ADGB: variants seen among roughly 807,000 people sequenced by gnomAD.
The protein encoded by ADGB is calpain-7-like protein.
In ADGB, 172 loss-of-function variants were observed where a neutral mutation model predicts 210.5. The ratio of observed to expected loss-of-function variants is 0.82; its 90% CI spans 0.72 to 0.93. The LOEUF (loss-of-function observed/expected upper bound fraction) is 0.93, where lower values mean the gene tolerates loss of function less well. Ranked by LOEUF, ADGB falls within the 40% of genes least tolerant of loss-of-function variation. The pLI is 0.00. For missense variants in ADGB, 2,025 were observed against 1,964.8 expected, an observed-to-expected ratio of 1.03 and a Z score of -0.58; for synonymous variants, 658 against 662.7, an observed-to-expected ratio of 0.99 and a Z score of 0.11.
At chr6:146,751,132 C>G (rs564612040) in intron 26 of ADGB, among the ~76,000 whole-genome samples, 1 of 123,552 alleles carries the variant, frequency 8.1e-6, no homozygotes, top group South Asian at 3.0e-4. Flanking sequence ...TCCCACCCCC[C>G]ACCCTCCCGC....
At chr6:146,661,597 A>G (rs777720680) in intron 5 of ADGB, among the ~76,000 whole-genome samples, 1 of 152,128 alleles carries the variant, frequency 6.6e-6, no homozygotes, top group African/African-American at 2.4e-5. Flanking sequence ...TTCAAACACA[A>G]TATAAAAAAT....
Position 146,656,884 on chromosome 6 carries a change from G to A in ADGB, c.516G>A (p.Lys172=). 5.8e-6 allele frequency: 9 copies of A among 1,551,382 alleles called. No individual in the cohort carries two copies. Among genetic ancestry groups the A allele is most frequent in the Non-Finnish European group, 7.0e-6 (8 of 1,146,676 alleles). Residue 172 remains lysine (K), a synonymous_variant, in exon 5 of 36, where the codon AAG becomes AAA. Coordinates refer to ENST00000397944, the MANE Select transcript of ADGB (RefSeq NM_024694.4). ...GGGAACCTCCTCTTCTCCCCTGGAA[G>A]CCCTGGGAACACATATACTCTCTGT... The part of the protein sequence containing the change: ...TSGEPPLLPW[K]PWEHIYSLCK...
At chr6:146,715,081 T>G (rs191502552) in intron 13 of ADGB, among the ~76,000 whole-genome samples, 1 of 152,320 alleles carries the variant, frequency 6.6e-6, no homozygotes, top group Non-Finnish European at 1.5e-5. Flanking sequence ...AAGTAATATG[T>G]CTACTTAGGG....
intron 27 of ADGB, among the ~76,000 whole-genome samples, chr6:146,760,607 A>C (rs1233167843): frequency 2.6e-5 from 4 of 151,832 alleles, no homozygotes; most frequent in Non-Finnish European, 5.9e-5. Flanking sequence ...TTTTCATTTC[A>C]CTTGGATCAA....
At chr6:146,682,492 T>C (rs1462258938) in intron 9 of ADGB, among the ~76,000 whole-genome samples, 1 of 152,074 alleles carries the variant, frequency 6.6e-6, no homozygotes, top group African/African-American at 2.4e-5. Flanking sequence ...CATTCAAGAG[T>C]ATATTTTTTC....
intron 33 of ADGB, among the ~76,000 whole-genome samples, chr6:146,792,235 AT>A (rs1777964925): frequency 6.6e-6 from 1 of 152,080 alleles, no homozygotes; most frequent in African/African-American, 2.4e-5. Flanking sequence ...AATTTTAGGA[AT>A]CTTTTTGTCT....
chr6:146,698,410 G>A (rs1055505804), intron 12 of ADGB, among the ~76,000 whole-genome samples: 26 of 152,108 alleles, frequency 1.7e-4, no homozygotes, highest in Admixed American at 1.3e-4. Context: ...GATCTGTACC[G>A]TGTTCATTGT....
intron 1 of ADGB, among the ~76,000 whole-genome samples, chr6:146,608,352 G>GT (rs1186844729): frequency 6.6e-6 from 1 of 151,882 alleles, no homozygotes; most frequent in South Asian, 2.1e-4. Context: ...CTCTTGTATG[G>GT]TTTTTTGTGT....
chr6:146,668,703 A>T (rs1775968740), intron 7 of ADGB, among the ~76,000 whole-genome samples: 1 of 152,132 alleles, frequency 6.6e-6, no homozygotes, highest in South Asian at 2.1e-4. Flanking sequence ...TACCAGAGAC[A>T]GGAAATCATC....
rs1294953730 is a variant in ADGB, at chr6:146,657,117, G to T, written c.612+137G>T. The T allele has an allele frequency of 3.9e-6, 3 of 761,466 alleles. No individual in the cohort carries two copies. The African/African-American group carries it at 5.4e-5, about 14-fold the overall frequency. The allele number at this position is 761,466 out of a possible 1,614,324, so 47.2% of individuals were successfully genotyped here. ...AAGGCAGTGGATCACCTGAGATCAGGAGTTCGCAACCAGCCTGGGCAACAT... is the reference window on the plus strand; with the variant it reads ...AAGGCAGTGGATCACCTGAGATCAGTAGTTCGCAACCAGCCTGGGCAACAT... On this transcript the variant is annotated intron_variant, in intron 5 of 35. Transcript: ENST00000397944.
At chr6:146,752,482 A>G in intron 26 of ADGB, 48 bp from the exon 27 acceptor site, 1 of 1,472,190 alleles carries the variant, frequency 6.8e-7, no homozygotes, top group Non-Finnish European at 9.1e-7. Context: ...CTGACTTGAG[A>G]GAAAGACCAA....
Position 146,665,701 on chromosome 6 carries a change from G to T in ADGB, c.753-1115G>T, listed in dbSNP as rs528881603. ...TTAAAAAATCCAATTAGTAAATAAA[G>T]CAACAAGCTAAGTGTAATACATTTC... On this transcript the variant is annotated intron_variant, in intron 6 of 35. Transcript: ENST00000397944. Among the ~76,000 whole-genome samples, 9 of 152,088 alleles carry T rather than the reference G, an allele frequency of 5.9e-5. No homozygotes were observed. The East Asian group carries it at 1.7e-3, about 29-fold the overall frequency.
In ADGB at chr6:146,809,877, A is replaced by C. The variant is rs111412231; in HGVS notation, c.4819-5155A>C. ...TGCTTAGAAGATTGCATACAGAAAAAATCTCCTTGACATTGGTCTTGGCAA... is the reference window on the plus strand; with the variant it reads ...TGCTTAGAAGATTGCATACAGAAAACATCTCCTTGACATTGGTCTTGGCAA... On this transcript the variant is annotated intron_variant, in intron 35 of 35. Coordinates refer to ENST00000397944, the MANE Select transcript of ADGB (RefSeq NM_024694.4). Among the ~76,000 whole-genome samples the C allele has an allele frequency of 9.8e-3, 1,491 of 152,266 alleles. 21 individuals carry two copies. Among genetic ancestry groups the C allele is most frequent in the African/African-American group, 0.033 (1,360 of 41,562 alleles).
At chr6:146,661,951 T>C (rs571093670) in intron 5 of ADGB, among the ~76,000 whole-genome samples, 7 of 152,260 alleles carry the variant, frequency 4.6e-5, no homozygotes, top group African/African-American at 1.4e-4. Flanking sequence ...CTTCCAGAAT[T>C]TTCCTCCAGG....
intron 29 of ADGB, among the ~76,000 whole-genome samples, chr6:146,776,063 G>A (rs1777716907): frequency 6.6e-6 from 1 of 151,934 alleles, no homozygotes; most frequent in Non-Finnish European, 1.5e-5. Flanking sequence ...ACTGTGTTCT[G>A]GATATATGGA....
chr6:146,654,120 A>C lies in ADGB; in HGVS notation c.331-15A>C. 1 of 1,436,210 alleles carries C rather than the reference A, an allele frequency of 7.0e-7. No homozygotes were observed. Among genetic ancestry groups the C allele is most frequent in the South Asian group, 1.3e-5 (1 of 79,978 alleles). The allele number at this position is 1,436,210 out of a possible 1,614,324, so 89.0% of individuals were successfully genotyped here. A position where few individuals can be genotyped will look rare whatever the true frequency, so the allele number is the denominator to read the frequency against. ...TTTTCTTATGGAGTAATATATACAT[A>C]TATATTTTTTTCAGACTCCAGTAGT... On this transcript the variant is annotated splice_polypyrimidine_tract_variant and intron_variant, in intron 3 of 35. Transcript: ENST00000397944.
intron 28 of ADGB, among the ~76,000 whole-genome samples, chr6:146,768,731 A>T (rs1322315773): frequency 6.6e-6 from 1 of 152,224 alleles, no homozygotes; most frequent in Non-Finnish European, 1.5e-5. Context: ...CTTTATAGTA[A>T]TCTTAAAAAT....
intron 26 of ADGB, among the ~76,000 whole-genome samples, chr6:146,748,113 G>A (rs1199152928): frequency 6.6e-6 from 1 of 151,858 alleles, no homozygotes; most frequent in Non-Finnish European, 1.5e-5. Context: ...CAGAAAATAT[G>A]TTAGAACTAT....
At chr6:146,755,190 T>G (rs1262033755) in intron 27 of ADGB, among the ~76,000 whole-genome samples, 2 of 152,130 alleles carry the variant, frequency 1.3e-5, no homozygotes, top group African/African-American at 4.8e-5. Flanking sequence ...CCTTTTGCTA[T>G]TATTTGCCTG....
Sources: allele counts gnomAD v4.1 joint callset (sites outside exome capture counted in the v4.1 genomes callset), GRCh38; gene constraint gnomAD v4.1.1; transcripts MANE v1.5; gene names NCBI Gene and HGNC (gene_info 2026-07-23, HGNC 2026-07-21).